The following DMD variants were observed in gnomAD, a reference collection of about 807,000 sequenced individuals.
DMD encodes the protein dystrophin, also known as mutant dystrophin.
Under a neutral mutation model 330.1 loss-of-function variants are expected in DMD, and 63 were observed. That is an observed-to-expected ratio of 0.19 (90% CI 0.16 to 0.24). DMD has a LOEUF of 0.24. DMD is among the 10% of genes least tolerant of loss of function. The probability of loss-of-function intolerance (pLI) is 1.00; values close to 1 mark genes in which losing one functional copy is unlikely to be tolerated. For synonymous variants in DMD, 1,223 were observed against 959.8 expected, an observed-to-expected ratio of 1.27 and a Z score of -5.07; for missense variants, 3,344 against 2,684.1, an observed-to-expected ratio of 1.25 and a Z score of -5.43.
At chrX:32,460,782 T>C (rs989213002) in intron 25 of DMD, among the ~76,000 whole-genome samples, 1 of 111,813 alleles carries the variant, frequency 8.9e-6, no homozygotes, top group African/African-American at 3.3e-5. Flanking sequence ...AAAGTAGTTT[T>C]CCTGCTCCTG....
At chrX:32,719,665 A>T (rs2066068056) in intron 7 of DMD, among the ~76,000 whole-genome samples, 1 of 111,776 alleles carries the variant, frequency 8.9e-6, no homozygotes, top group African/African-American at 3.2e-5. Flanking sequence ...AGCATATTAA[A>T]TGTAGACTTA....
At chrX:33,107,794 G>A (rs1603292410) in intron 1 of DMD, among the ~76,000 whole-genome samples, 1 of 111,367 alleles carries the variant, frequency 9.0e-6, no homozygotes, top group Non-Finnish European at 1.9e-5. Flanking sequence ...TTTAGTTCAG[G>A]TTATAATTCC....
At chrX:32,797,509 A>C (rs2076261029) in intron 7 of DMD, among the ~76,000 whole-genome samples, 2 of 112,659 alleles carry the variant, frequency 1.8e-5, no homozygotes, top group Non-Finnish European at 3.7e-5. Context: ...GTGACAAGAA[A>C]CACAGATATC....
At chrX:31,219,922 G>C (rs187556712) in intron 64 of DMD, among the ~76,000 whole-genome samples, 1 of 110,302 alleles carries the variant, frequency 9.1e-6, no homozygotes, top group Admixed American at 9.7e-5. Context: ...ATATGACAGC[G>C]AGCCCATGAG....
intron 55 of DMD, among the ~76,000 whole-genome samples, chrX:31,550,431 T>C (rs1247158956): frequency 8.9e-6 from 1 of 112,021 alleles, no homozygotes; most frequent in Non-Finnish European, 1.9e-5. Flanking sequence ...CTTCAGTTTA[T>C]CAACACAAAG....
At chrX:31,257,450 C>T (rs922408712) in intron 63 of DMD, among the ~76,000 whole-genome samples, 1 of 110,755 alleles carries the variant, frequency 9.0e-6, no homozygotes, top group Non-Finnish European at 1.9e-5. Context: ...TGAAGGCTTC[C>T]GACCATTTCA....
intron 2 of DMD, among the ~76,000 whole-genome samples, chrX:32,883,617 G>A (rs2084178635): frequency 9.1e-6 from 1 of 109,484 alleles, no homozygotes. Flanking sequence ...GAGGTCAGGA[G>A]TTCGAGACCA....
At chrX:32,892,899 C>A (rs1193233448) in intron 2 of DMD, among the ~76,000 whole-genome samples, 1 of 111,847 alleles carries the variant, frequency 8.9e-6, no homozygotes, top group African/African-American at 3.3e-5. Flanking sequence ...AAGTCTCCCA[C>A]ACATGATGCA....
At chrX:31,576,461 C>T (rs1202684312) in intron 55 of DMD, among the ~76,000 whole-genome samples, 4 of 107,785 alleles carry the variant, frequency 3.7e-5, no homozygotes, top group Non-Finnish European at 7.7e-5. Flanking sequence ...AGACAGAAAG[C>T]ATCTTGAATG....
chrX:32,322,429 A>G (rs1197212197), intron 41 of DMD, among the ~76,000 whole-genome samples: 1 of 110,509 alleles, frequency 9.0e-6, no homozygotes, highest in African/African-American at 3.3e-5. Context: ...CAGTCATGGT[A>G]CTGATGGCCT....
chrX:31,453,765 C>CAAAAAAAAAAAAAAAAAAA, intron 59 of DMD, among the ~76,000 whole-genome samples: 2 of 8,978 alleles, frequency 2.2e-4, no homozygotes, highest in African/African-American at 5.0e-4. Context: ...AAAAAACAAG[C>CAAAAAAAAAAAAAAAAAAA]AAAAAAAAAA....
intron 51 of DMD, among the ~76,000 whole-genome samples, chrX:31,736,061 A>G (rs1490255944): frequency 9.0e-6 from 1 of 111,422 alleles, no homozygotes; most frequent in African/African-American, 3.3e-5. Context: ...CAGATTACGT[A>G]CCTGATTGTG....
At chrX:31,664,967 A>G (rs1449386074) in intron 53 of DMD, among the ~76,000 whole-genome samples, 3 of 111,387 alleles carry the variant, frequency 2.7e-5, no homozygotes, top group Non-Finnish European at 1.9e-5. Flanking sequence ...CCCTACCTAC[A>G]TATTCACTTT....
At chrX:31,688,564 T>C (rs2082863314) in intron 52 of DMD, among the ~76,000 whole-genome samples, 1 of 111,837 alleles carries the variant, frequency 8.9e-6, no homozygotes, top group South Asian at 3.8e-4. Context: ...GTATCATTCC[T>C]TCTAAAACTA....
chrX:31,318,961 A>G (rs1229891473), intron 62 of DMD, among the ~76,000 whole-genome samples: 1 of 112,363 alleles, frequency 8.9e-6, no homozygotes, highest in Non-Finnish European at 1.9e-5. Context: ...ATATAAGGTC[A>G]AACACTTTTG....
At chrX:32,485,181 T>C in intron 20 of DMD, 82 bp from the exon 21 acceptor site, 1 of 972,625 alleles carries the variant, frequency 1.0e-6, no homozygotes, top group African/African-American at 1.9e-5. Flanking sequence ...TAAAAAGCAG[T>C]AAGGCAAGTT....
At chrX:31,233,888 T>TG (rs2047458640) in intron 63 of DMD, among the ~76,000 whole-genome samples, 1 of 111,483 alleles carries the variant, frequency 9.0e-6, no homozygotes, top group Non-Finnish European at 1.9e-5. Context: ...GACTCTTTTT[T>TG]TGTGTGTGTG....
intron 55 of DMD, among the ~76,000 whole-genome samples, chrX:31,530,647 CTTTT>C (rs1192286078): frequency 3.8e-4 from 19 of 49,819 alleles, no homozygotes; most frequent in Non-Finnish European, 5.4e-4. Flanking sequence ...ACTGGTTTCT[CTTTT>C]TTTTTTTTTT....
chrX:32,805,491 G>A (rs747421623), intron 7 of DMD, among the ~76,000 whole-genome samples: 8 of 111,273 alleles, frequency 7.2e-5, no homozygotes, highest in Admixed American at 5.7e-4. Context: ...AGTTTGATTA[G>A]TATACCTGGG....
Sources: allele counts gnomAD v4.1 joint callset (sites outside exome capture counted in the v4.1 genomes callset), GRCh38; gene constraint gnomAD v4.1.1; transcripts MANE v1.5; gene names NCBI Gene and HGNC (gene_info 2026-07-23, HGNC 2026-07-21).